NUP98: variants seen among roughly 807,000 people sequenced by gnomAD.
NUP98 encodes the protein nucleoporin 98 and 96 precursor.
Under a neutral mutation model 191.9 loss-of-function variants are expected in NUP98, and 26 were observed. That is an observed-to-expected ratio of 0.14 (90% CI 0.10 to 0.19). NUP98 has a LOEUF of 0.19. NUP98 is among the 10% of genes least tolerant of loss of function. NUP98 has a pLI of 1.00. For synonymous variants in NUP98, 808 were observed against 778.4 expected (o/e 1.04, Z -0.63); for missense variants, 1,941 against 2,178.8 (o/e 0.89, Z 2.17).
At chr11:3,784,224 G>C (rs1195178141) in intron 1 of NUP98, among the ~76,000 whole-genome samples, 1 of 152,086 alleles carries the variant, frequency 6.6e-6, no homozygotes, top group Non-Finnish European at 1.5e-5. Flanking sequence ...AACACTTCCA[G>C]TCATTCTAAT....
intron 1 of NUP98, among the ~76,000 whole-genome samples, chr11:3,792,050 G>T (rs1285651897): frequency 6.7e-6 from 1 of 150,278 alleles, no homozygotes. Context: ...ATGGTGGCAC[G>T]CCCCTGTATT....
chr11:3,738,666 C>A (rs761305643), intron 12 of NUP98, among the ~76,000 whole-genome samples: 21 of 149,356 alleles, frequency 1.4e-4, no homozygotes, highest in Non-Finnish European at 8.9e-5. Context: ...GTAGTCCCAG[C>A]TACGCAGGAG....
At position 3,679,899 on chromosome 11, in the gene NUP98, C is replaced by T. The variant is rs1272670144; in HGVS notation, c.4919-191G>A. The stretch of plus-strand genomic sequence containing the variant: ...GACCACCACAATAAAGCAGGTATCA[C>T]AATAAAATCACAAATTTTTTGGTTT... On this transcript the variant is annotated intron_variant, in intron 30 of 32. Coordinates refer to ENST00000324932, the MANE Select transcript of NUP98 (RefSeq NM_016320.5). The T allele has an allele frequency of 8.2e-6, 5 of 612,272 alleles. No homozygotes were observed. The Admixed American group carries it at 9.6e-5, about 12-fold the overall frequency. The allele number at this position is 612,272 out of a possible 1,614,324, so 37.9% of individuals were successfully genotyped here.
At chr11:3,789,336 C>G (rs996243903) in intron 1 of NUP98, among the ~76,000 whole-genome samples, 1 of 152,124 alleles carries the variant, frequency 6.6e-6, no homozygotes, top group South Asian at 2.1e-4. Flanking sequence ...ACTGATCACT[C>G]AGCACAAGCA....
rs937850366 is a variant in NUP98 at position 3,797,543 on chromosome 11, G to C, written c.-172C>G. On this transcript the variant is annotated 5_prime_UTR_variant, in exon 1 of 33. Coordinates refer to ENST00000324932, the MANE Select transcript of NUP98 (RefSeq NM_016320.5). Reference sequence around the variant, plus strand: ...CGCCGCTTCGGGCGCAGCGCGCAGAGGGCCCGACTGCGTCACACGCCGCCC... The same window carrying C: ...CGCCGCTTCGGGCGCAGCGCGCAGACGGCCCGACTGCGTCACACGCCGCCC... 4.2e-6 allele frequency: 2 copies of C among 475,240 alleles called. No individual in the cohort carries two copies. The highest frequency in any genetic ancestry group is 7.4e-6 in the Non-Finnish European group (2 of 271,314). 29.4% of individuals were successfully genotyped at this position (475,240 alleles called of 1,614,324 possible).
At position 3,695,444 on chromosome 11, in the gene NUP98, G is replaced by A. The variant is rs372098591; in HGVS notation, c.4167+5C>T. 8.5e-6 allele frequency: 13 copies of A among 1,534,042 alleles called. No homozygotes were observed. The highest frequency in any genetic ancestry group is 1.1e-5 in the Non-Finnish European group (12 of 1,137,472). On this transcript the variant is annotated splice_donor_5th_base_variant and intron_variant, in intron 26 of 32. Coordinates refer to ENST00000324932, the MANE Select transcript of NUP98 (RefSeq NM_016320.5). ...GTGAGATATTATGGTAAAAGTAGAA[G>A]ATACCGGTTTTCCAGCCAACAGAGC...
chr11:3,698,887 A>G lies in NUP98; in HGVS notation c.4009+195T>C. 6 of 630,472 alleles carry G rather than the reference A, an allele frequency of 9.5e-6. No homozygotes were observed. The Admixed American group carries it at 1.2e-4, about 12-fold the overall frequency. The allele number at this position is 630,472 out of a possible 1,614,324, so 39.1% of individuals were successfully genotyped here. ...TAATTCTCTGTTTAGGACCTTAAAC[A>G]TTGTTTACTTGATTAAAAGTTAAAT... On this transcript the variant is annotated intron_variant, in intron 25 of 32. Coordinates refer to ENST00000324932, the MANE Select transcript of NUP98 (RefSeq NM_016320.5).
At chr11:3,755,586 G>C (rs1313690415) in intron 10 of NUP98, among the ~76,000 whole-genome samples, 1 of 152,070 alleles carries the variant, frequency 6.6e-6, no homozygotes, top group Non-Finnish European at 1.5e-5. Context: ...CCAGTATTTG[G>C]ATTATTATCT....
chr11:3,686,940 T>G (rs1260221252), intron 28 of NUP98, among the ~76,000 whole-genome samples: 1 of 152,030 alleles, frequency 6.6e-6, no homozygotes, highest in East Asian at 1.9e-4. Flanking sequence ...TGAGGTGAGA[T>G]CATACCACTG....
chr11:3,691,641 C>T, intron 27 of NUP98, 152 bp from the exon 28 acceptor site: 2 of 703,446 alleles, frequency 2.8e-6, no homozygotes, highest in Non-Finnish European at 4.6e-6. Context: ...GCAACCTCCG[C>T]TTCCCAGATT....
Position 3,776,004 on chromosome 11 carries a change from T to C in NUP98, c.373A>G (p.Ser125Gly), listed in dbSNP as rs538857109. ...GTGGTTCCAAAGAGTCCTCCACTGC[T>C]AGTACTGGTTCCAAAATCTAAAAAT... ...TGFGNFGTST[S>G]SGGLFGTTNT... Residue 125 changes from serine (S) to glycine (G), a missense_variant, in exon 5 of 33, where the codon AGC becomes GGC. By Grantham distance (56) the Ser-to-Gly change is moderately conservative (BLOSUM62 0). Coordinates refer to ENST00000324932, the MANE Select transcript of NUP98 (RefSeq NM_016320.5). 9 of 1,605,272 alleles carry C rather than the reference T, an allele frequency of 5.6e-6. No homozygotes were observed. In the South Asian group the frequency reaches 1.0e-4, roughly 18 times the overall value.
At chr11:3,684,753 T>C (rs373565470) in intron 29 of NUP98, among the ~76,000 whole-genome samples, 1 of 117,196 alleles carries the variant, frequency 8.5e-6, no homozygotes, top group Non-Finnish European at 1.7e-5. Context: ...ACTAATGTTA[T>C]GCTTTCACAG....
chr11:3,684,876 G>A (rs1025054099), intron 29 of NUP98, among the ~76,000 whole-genome samples: 2 of 149,154 alleles, frequency 1.3e-5, no homozygotes, highest in East Asian at 2.0e-4. Flanking sequence ...AAGTGAGTAC[G>A]TGGTAGATCT....
At chr11:3,726,588 A>G (rs989464716) in intron 14 of NUP98, among the ~76,000 whole-genome samples, 1 of 151,742 alleles carries the variant, frequency 6.6e-6, no homozygotes, top group African/African-American at 2.4e-5. Context: ...TTGAAATTTT[A>G]GTTATTGAAA....
At chr11:3,684,051 T>C (rs1053706970) in intron 29 of NUP98, among the ~76,000 whole-genome samples, 1 of 150,398 alleles carries the variant, frequency 6.6e-6, no homozygotes, top group Non-Finnish European at 1.5e-5. Flanking sequence ...CTGCAAAAAA[T>C]AATTAAAAAA....
At chr11:3,693,126 G>A (rs1164274051) in intron 27 of NUP98, 106 bp downstream of exon 27, 22 of 1,089,538 alleles carry the variant, frequency 2.0e-5, no homozygotes, top group Non-Finnish European at 2.8e-5. Flanking sequence ...TTGTCCAGAG[G>A]AAGGAGTAAA....
At chr11:3,774,632 C>G (rs1236023247) in intron 5 of NUP98, among the ~76,000 whole-genome samples, 1 of 151,912 alleles carries the variant, frequency 6.6e-6, no homozygotes, top group Non-Finnish European at 1.5e-5. Flanking sequence ...GCAGCAGAAT[C>G]GCTTGAACCA....
chr11:3,736,675 G>C (rs2080074885), intron 12 of NUP98, among the ~76,000 whole-genome samples: 1 of 152,104 alleles, frequency 6.6e-6, no homozygotes, highest in Admixed American at 6.6e-5. Context: ...ATCAACATAG[G>C]TTATGTAGTT....
At position 3,768,744 on chromosome 11, in the gene NUP98, C is replaced by T. The variant is rs1336977512; in HGVS notation, c.785G>A (p.Ser262Asn). ...TGGATTTGTTCCAAATCCAGTTGTA[C>T]CTTTTAGGAAAAAGAAAAAAAAAAG... ...YGQNKTAFGT[S>N]TTGFGTNPGG... is the part of the protein sequence containing the mutation. Residue 262 changes from serine (S) to asparagine (N), a missense_variant and splice_region_variant, in exon 8 of 33, where the codon AGT becomes AAT. Ser to Asn is a conservative substitution (Grantham distance 46). Around this residue, in one of 6 missense-constraint regions of NUP98, gnomAD observed 181 missense variants for 228.0 expected, o/e 0.79. Coordinates refer to ENST00000324932, the MANE Select transcript of NUP98 (RefSeq NM_016320.5). 3 of 1,525,266 alleles carry T rather than the reference C, an allele frequency of 2.0e-6. No individual in the cohort carries two copies. Among genetic ancestry groups the T allele is most frequent in the Middle Eastern group, 1.8e-4 (1 of 5,620 alleles). 94.5% of individuals were successfully genotyped at this position (1,525,266 alleles called of 1,614,324 possible). A position where few individuals can be genotyped will look rare whatever the true frequency, so the allele number is the denominator to read the frequency against.
Sources: allele counts gnomAD v4.1 joint callset (sites outside exome capture counted in the v4.1 genomes callset), GRCh38; gene constraint gnomAD v4.1.1; regional missense constraint gnomAD v4.1.1; transcripts MANE v1.5; gene names NCBI Gene and HGNC (gene_info 2026-07-23, HGNC 2026-07-21).